The following NDC1 variants were observed in gnomAD, a reference collection of about 807,000 sequenced individuals.
NDC1 encodes NDC1 transmembrane nucleoporin.
Under a neutral mutation model 89.8 loss-of-function variants are expected in NDC1, and 24 were observed. That is an observed-to-expected ratio of 0.27 (90% confidence interval 0.19 to 0.38). NDC1 has a LOEUF of 0.38. Among genes scored for constraint, NDC1 ranks in the 10% least tolerant of loss-of-function variants. The pLI, the probability that NDC1 is intolerant of heterozygous loss-of-function variation, is 1.00. For missense variants in NDC1, 728 were observed against 797.6 expected (o/e 0.91, Z 1.05); for synonymous variants, 296 against 284.8 (o/e 1.04, Z -0.39).
chr1:53,771,737 C>T (rs928397615), intron 17 of NDC1, among the ~76,000 whole-genome samples: 3 of 152,164 alleles, frequency 2.0e-5, no homozygotes, highest in South Asian at 2.1e-4. Flanking sequence ...AATATAAATA[C>T]AGTTTAGTTA....
chr1:53,797,250 C>T (rs1647746776), intron 11 of NDC1, 106 bp from the exon 12 acceptor site: 4 of 1,061,482 alleles, frequency 3.8e-6, no homozygotes, highest in Non-Finnish European at 5.5e-6. Context: ...ACGCATTTAC[C>T]CAAAGCTCAG....
intron 8 of NDC1, among the ~76,000 whole-genome samples, chr1:53,807,221 T>C (rs1042707241): frequency 1.7e-4 from 20 of 117,994 alleles, no homozygotes; most frequent in African/African-American, 6.7e-4. Context: ...CCCTCCAGCC[T>C]GGGTGACAGA....
intron 1 of NDC1, 80 bp downstream of exon 1, chr1:53,838,125 G>T: frequency 2.2e-6 from 3 of 1,361,676 alleles, no homozygotes; most frequent in Non-Finnish European, 2.0e-6. Flanking sequence ...GCCCTCCCCC[G>T]CCCAGCGCGC....
chr1:53,800,665 T>C, intron 11 of NDC1, 28 bp downstream of exon 11: 1 of 1,610,026 alleles, frequency 6.2e-7, no homozygotes, highest in Non-Finnish European at 8.5e-7. Flanking sequence ...TGTAAATGTT[T>C]TCCCCTCTTA....
chr1:53,804,782 AT>A (rs56269011), intron 9 of NDC1, among the ~76,000 whole-genome samples: 4,373 of 146,074 alleles, frequency 0.03, 98 homozygotes, highest in Middle Eastern at 0.045. Flanking sequence ...CGGCCACCCT[AT>A]TTTTTTTTTT....
intron 5 of NDC1, among the ~76,000 whole-genome samples, chr1:53,821,551 T>C (rs1251911824): frequency 1.3e-5 from 2 of 152,208 alleles, no homozygotes; most frequent in African/African-American, 2.4e-5. Flanking sequence ...AGATGTGGAA[T>C]TGCACTATTC....
At chr1:53,794,661 A>G (rs775500125) in intron 13 of NDC1, among the ~76,000 whole-genome samples, 3 of 152,172 alleles carry the variant, frequency 2.0e-5, no homozygotes, top group Admixed American at 6.5e-5. Flanking sequence ...CTTGAGGCCA[A>G]GAGTTTGAGA....
chr1:53,782,969 AT>A (rs899523474), intron 16 of NDC1, among the ~76,000 whole-genome samples: 2 of 152,086 alleles, frequency 1.3e-5, no homozygotes, highest in South Asian at 4.2e-4. Context: ...AATATAACTG[AT>A]TTTTTTTCTA....
chr1:53,782,597 C>T lies in NDC1; in HGVS notation c.1800+4561G>A, dbSNP rs145680981. 1.5e-4 allele frequency among the ~76,000 whole-genome samples: 23 copies of T among 152,314 alleles called. No individual in the cohort carries two copies. In the East Asian group the frequency reaches 3.9e-3, roughly 26 times the overall value. On this transcript the variant is annotated intron_variant, in intron 16 of 17. Transcript: ENST00000371429. ...GTACAGAAGCAGCAAGGACATGAAA[C>T]GGCTGTGCCTGGAGCAAGGGCTCTT...
chr1:53,795,986 A>C (rs1370646574), intron 13 of NDC1, among the ~76,000 whole-genome samples: 1 of 152,266 alleles, frequency 6.6e-6, no homozygotes, highest in East Asian at 1.9e-4. Context: ...TGCTCCAGCC[A>C]CACTGGTATC....
At chr1:53,789,102 A>G in intron 15 of NDC1, 31 bp downstream of exon 15, 4 of 1,409,840 alleles carry the variant, frequency 2.8e-6, no homozygotes, top group Non-Finnish European at 4.0e-6. Context: ...GACAATTAAA[A>G]TCATAGTTAC....
At chr1:53,834,561 A>G (rs923859686) in intron 2 of NDC1, among the ~76,000 whole-genome samples, 1 of 152,204 alleles carries the variant, frequency 6.6e-6, no homozygotes, top group Admixed American at 6.5e-5. Context: ...AAGGCAAAAG[A>G]AAGACCAATT....
intron 1 of NDC1, among the ~76,000 whole-genome samples, chr1:53,837,333 G>A (rs1242498813): frequency 6.6e-6 from 1 of 152,218 alleles, no homozygotes; most frequent in African/African-American, 2.4e-5. Context: ...AGCACTTTGG[G>A]AGACCGAGGC....
At chr1:53,814,311 C>T (rs1430951852) in intron 6 of NDC1, among the ~76,000 whole-genome samples, 8 of 152,006 alleles carry the variant, frequency 5.3e-5, no homozygotes, top group Admixed American at 3.3e-4. Context: ...GTCAAGATCG[C>T]GCCATCGCAC....
intron 16 of NDC1, among the ~76,000 whole-genome samples, chr1:53,785,272 T>C (rs1220081272): frequency 6.6e-6 from 1 of 152,210 alleles, no homozygotes; most frequent in Non-Finnish European, 1.5e-5. Flanking sequence ...CAAAAAATAA[T>C]GTTATGACCA....
chr1:53,798,022 C>A (rs1647777813), intron 11 of NDC1, among the ~76,000 whole-genome samples: 1 of 151,934 alleles, frequency 6.6e-6, no homozygotes, highest in Non-Finnish European at 1.5e-5. Flanking sequence ...CAAAAGTCAT[C>A]TTATGACTCT....
At chr1:53,776,545 G>A (rs530969670) in intron 16 of NDC1, among the ~76,000 whole-genome samples, 1 of 152,182 alleles carries the variant, frequency 6.6e-6, no homozygotes, top group East Asian at 1.9e-4. Flanking sequence ...CCTGTATTTT[G>A]TTAATGTATC....
At chr1:53,797,359 G>A (rs951250425) in intron 11 of NDC1, among the ~76,000 whole-genome samples, 19 of 146,922 alleles carry the variant, frequency 1.3e-4, no homozygotes, top group Non-Finnish European at 2.7e-4. Flanking sequence ...CTGTCAGATC[G>A]ATATAGTCTC....
intron 6 of NDC1, among the ~76,000 whole-genome samples, chr1:53,816,645 CAAAAAAA>C (rs547632909): frequency 2.5e-5 from 3 of 121,430 alleles, no homozygotes; most frequent in Non-Finnish European, 5.4e-5. Flanking sequence ...AAACAAAAAA[CAAAAAAA>C]AAAAAAACAG....
Sources: gnomAD v4.1 joint callset for allele counts (sites outside exome capture counted in the v4.1 genomes callset) on GRCh38, gnomAD v4.1.1 for gene constraint, MANE v1.5 for transcripts, NCBI Gene and HGNC (gene_info 2026-07-23, HGNC 2026-07-21) for gene names.